The following GOLGB1 variants were observed in gnomAD, a reference collection of about 807,000 sequenced individuals.
The protein encoded by GOLGB1 is golgin subfamily B member 1.
A neutral mutation model predicts 336.9 loss-of-function variants in GOLGB1; 174 were observed. The ratio of observed to expected loss-of-function variants is 0.52; its 90% CI spans 0.46 to 0.59. The LOEUF is 0.59. Among genes scored for constraint, GOLGB1 ranks in the 20% least tolerant of loss-of-function variants. The probability of loss-of-function intolerance (pLI) is 0.00; values close to 1 mark genes in which losing one functional copy is unlikely to be tolerated. For missense variants in GOLGB1, 3,331 were observed against 3,645.3 expected (o/e 0.91, Z 2.22); for synonymous variants, 1,208 against 1,289.2 (o/e 0.94, Z 1.35).
chr3:121,664,790 C>T, intron 21 of GOLGB1, 136 bp downstream of exon 21: 1 of 772,612 alleles, frequency 1.3e-6, no homozygotes. Flanking sequence ...TCTAATCTTC[C>T]ACGCCCTTCC....
Position 121,667,520 on chromosome 3 carries a change from C to T in GOLGB1, c.9510G>A (p.Val3170=). ...KLLEEERDQR[V]AAENALSVAE... is the part of the protein sequence containing the mutation. ...CCACAGAGAGAGCATTCTCAGCAGC[C>T]ACTCTTTGGTCTCGTTCTTCTTCCA... Residue 3170 remains valine, a synonymous_variant, in exon 20 of 22, where the codon GTG becomes GTA. Transcript: ENST00000614479. The T allele has an allele frequency of 6.2e-7, 1 of 1,614,108 alleles. No homozygotes were observed. The highest frequency in any genetic ancestry group is 8.5e-7 in the Non-Finnish European group (1 of 1,179,962).
At chr3:121,722,668 C>T (rs551779609) in intron 5 of GOLGB1, among the ~76,000 whole-genome samples, 2 of 152,072 alleles carry the variant, frequency 1.3e-5, no homozygotes, top group East Asian at 1.9e-4. Context: ...TTAGGCAGAC[C>T]GTCCTAAAAA....
chr3:121,698,292 A>G lies in GOLGB1; in HGVS notation c.2231T>C (p.Phe744Ser). Reference sequence around the variant, plus strand: ...GTCTCTTTCTTCAGACAAAGCAGTGAATGCACTGCTGTTGTTGTCAGCATT... The same window carrying G: ...GTCTCTTTCTTCAGACAAAGCAGTGGATGCACTGCTGTTGTTGTCAGCATT... ...KKNADNNSSAFTALSEERDQL... is the reference protein window; with the variant it reads ...KKNADNNSSASTALSEERDQL... The change falls in exon 13 of 22, where the codon TTC becomes TCC. Residue 744 changes from phenylalanine (F) to serine (S), a missense_variant. Coordinates refer to ENST00000614479, the MANE Select transcript of GOLGB1 (RefSeq NM_001366282.2). The G allele has an allele frequency of 6.2e-7, 1 of 1,613,196 alleles. No homozygotes were observed. The highest frequency in any genetic ancestry group is 8.5e-7 in the Non-Finnish European group (1 of 1,179,150).
rs1013796580 is a variant in GOLGB1, at chr3:121,730,973, T to C, written c.-2A>G. On this transcript the variant is annotated splice_region_variant and 5_prime_UTR_variant, in exon 2 of 22. Transcript: ENST00000614479. Reference sequence around the variant, plus strand: ...TAATCCTGATAATCGGCTCAGCATTTCTGTAGGAAAAGAAGGGGGGAAAAA... The same window carrying C: ...TAATCCTGATAATCGGCTCAGCATTCCTGTAGGAAAAGAAGGGGGGAAAAA... 6.2e-7 allele frequency: 1 copy of C among 1,610,486 alleles called. No individual in the cohort carries two copies. Among genetic ancestry groups the C allele is most frequent in the Non-Finnish European group, 8.5e-7 (1 of 1,179,120 alleles).
Position 121,691,042 on chromosome 3 carries a change from T to C in GOLGB1, c.8322A>G (p.Ala2774=). The C allele has an allele frequency of 1.2e-6, 2 of 1,614,000 alleles. No homozygotes were observed. The highest frequency in any genetic ancestry group is 1.7e-6 in the Non-Finnish European group (2 of 1,179,918). ...TTAAGAGTCCCTGTTCTTTCAACTG[T>C]GCCAATTCCTTCAGACTGGCATCAT... is the stretch of plus-strand genomic sequence containing the variant. ...RKYDASLKEL[A]QLKEQGLLNR... is the part of the protein sequence containing the mutation. The change falls in exon 14 of 22, where the codon GCA becomes GCG. Residue 2774 remains alanine, a synonymous_variant. Coordinates refer to ENST00000614479, the MANE Select transcript of GOLGB1 (RefSeq NM_001366282.2).
Position 121,694,188 on chromosome 3 carries a change from G to A in GOLGB1, c.6335C>T (p.Ser2112Leu). ...DNLKLKKELQ[S>L]NKESVKSQMK... ...CTGGCTTTTAACTGATTCTTTATTT[G>A]ACTGAAGTTCCTTTTTCAACTTGAG... Residue 2112 changes from serine to leucine, a missense_variant, in exon 13 of 22, where the codon TCA (serine) becomes TTA (leucine). Coordinates refer to ENST00000614479, the MANE Select transcript of GOLGB1 (RefSeq NM_001366282.2). 6.2e-7 allele frequency: 1 copy of A among 1,612,962 alleles called. No homozygotes were observed. Among genetic ancestry groups the A allele is most frequent in the South Asian group, 1.1e-5 (1 of 91,042 alleles).
intron 4 of GOLGB1, 108 bp downstream of exon 4, chr3:121,729,080 T>G (rs1945881754): frequency 2.7e-6 from 2 of 730,720 alleles, no homozygotes; most frequent in Admixed American, 5.4e-5. Context: ...AAAACATTAT[T>G]TAGTGCTGTA....
At chr3:121,700,763 C>T (rs1413645793) in intron 11 of GOLGB1, among the ~76,000 whole-genome samples, 1 of 152,058 alleles carries the variant, frequency 6.6e-6, no homozygotes, top group African/African-American at 2.4e-5. Context: ...TCTGCTTAGC[C>T]TCTTTGCATG....
rs1365182357 is a variant in GOLGB1 at position 121,694,446 on chromosome 3, A to G, written c.6077T>C (p.Val2026Ala). ...GATGCAGTCCTTCTGTAGCTGCTTT[A>G]CTTCTTGTTGTTTTTCTTTTAACAG... The part of the protein sequence containing the change: ...QELLKEKQQE[V>A]KQLQKDCIRY... Residue 2026 changes from valine to alanine, a missense_variant, in exon 13 of 22, where the codon GTA becomes GCA. By Grantham distance (64) the Val-to-Ala change is moderately conservative (BLOSUM62 0). Transcript: ENST00000614479. 1.9e-6 allele frequency: 3 copies of G among 1,612,962 alleles called. No homozygotes were observed. The highest frequency in any genetic ancestry group is 2.5e-6 in the Non-Finnish European group (3 of 1,179,836).
At chr3:121,667,642 T>C in intron 19 of GOLGB1, 32 bp from the exon 20 acceptor site, 1 of 1,606,290 alleles carries the variant, frequency 6.2e-7, no homozygotes, top group Non-Finnish European at 8.5e-7. Context: ...AAAAGCATCA[T>C]CAGATGCAGA....
At chr3:121,725,333 G>C (rs1945502076) in intron 5 of GOLGB1, among the ~76,000 whole-genome samples, 1 of 152,176 alleles carries the variant, frequency 6.6e-6, no homozygotes, top group African/African-American at 2.4e-5. Context: ...CCCTGTACCG[G>C]CAGAGGATGC....
In GOLGB1 at chr3:121,686,994, C is replaced by G. The variant is rs192712745; in HGVS notation, c.8694+3676G>C. Among the ~76,000 whole-genome samples, 11 of 152,204 alleles carry G rather than the reference C, an allele frequency of 7.2e-5. No homozygotes were observed. In the East Asian group the frequency reaches 1.9e-3, roughly 27 times the overall value. ...GTATGGATAAATTACAGGGTCTTGG[C>G]CAGGTGTGGTGGCTCACGCCTGTAA... On this transcript the variant is annotated intron_variant, in intron 14 of 21. Transcript: ENST00000614479.
intron 18 of GOLGB1, among the ~76,000 whole-genome samples, chr3:121,668,887 A>G (rs1939096120): frequency 1.3e-5 from 2 of 152,046 alleles, no homozygotes; most frequent in Non-Finnish European, 2.9e-5. Context: ...TTTTGTTCTC[A>G]GATCCAAAGT....
chr3:121,699,731 A>T, intron 12 of GOLGB1, 81 bp downstream of exon 12: 1 of 793,342 alleles, frequency 1.3e-6, no homozygotes, highest in Non-Finnish European at 2.1e-6. Context: ...AACACTAGAA[A>T]ATTATGGACG....
chr3:121,742,753 A>G (rs987698958), intron 1 of GOLGB1, among the ~76,000 whole-genome samples: 2 of 152,212 alleles, frequency 1.3e-5, no homozygotes, highest in Non-Finnish European at 2.9e-5. Flanking sequence ...ACCTACAAAG[A>G]ACTTAAACAA....
intron 1 of GOLGB1, among the ~76,000 whole-genome samples, chr3:121,734,407 A>AC (rs1008328599): frequency 1.3e-4 from 19 of 151,910 alleles, no homozygotes; most frequent in Admixed American, 5.2e-4. Context: ...AAAAAAAAAA[A>AC]AAAACAAGTC....
Position 121,695,205 on chromosome 3 carries a change from G to A in GOLGB1, c.5318C>T (p.Ser1773Phe), listed in dbSNP as rs374186105. 76 of 1,613,456 alleles carry A rather than the reference G, an allele frequency of 4.7e-5. No individual in the cohort carries two copies. Among genetic ancestry groups the A allele is most frequent in the Non-Finnish European group, 1.0e-5 (12 of 1,179,946 alleles). Residue 1773 changes from serine to phenylalanine, a missense_variant, in exon 13 of 22, where the codon TCT becomes TTT. Physicochemically the swap from Ser to Phe is radical, Grantham distance 155. Coordinates refer to ENST00000614479, the MANE Select transcript of GOLGB1 (RefSeq NM_001366282.2). ...DLKHQIEGNV[S>F]KQANLEATEK... The stretch of plus-strand genomic sequence containing the variant: ...GGTGGCCTCTAGGTTAGCTTGTTTA[G>A]ATACATTACCTTCTATCTGATGCTT...
At chr3:121,718,777 A>G (rs1243014417) in intron 7 of GOLGB1, among the ~76,000 whole-genome samples, 1 of 152,128 alleles carries the variant, frequency 6.6e-6, no homozygotes, top group Non-Finnish European at 1.5e-5. Context: ...ACAATAACAC[A>G]TATCTGCCTT....
In GOLGB1 at chr3:121,692,472, G is replaced by A; in HGVS notation, c.6892C>T (p.Leu2298=). The change falls in exon 14 of 22, where the codon CTA becomes TTA. Residue 2298 remains leucine, a synonymous_variant. Transcript: ENST00000614479. ...QGENKELLSQ[L]EETRHLYHSS... The stretch of plus-strand genomic sequence containing the variant: ...TGGTATAGGTGGCGTGTCTCTTCTA[G>A]CTGGGACAAAAGTTCTTTGTTTTCC... 1.3e-5 allele frequency: 21 copies of A among 1,613,882 alleles called. No homozygotes were observed. Among genetic ancestry groups the A allele is most frequent in the Non-Finnish European group, 1.8e-5 (21 of 1,179,820 alleles).
Sources: allele counts gnomAD v4.1 joint callset (sites outside exome capture counted in the v4.1 genomes callset), GRCh38; gene constraint gnomAD v4.1.1; transcripts MANE v1.5; gene names NCBI Gene and HGNC (gene_info 2026-07-23, HGNC 2026-07-21).